Variants in NOX5 observed in about 807,000 individuals in gnomAD.
The protein encoded by NOX5 is NADPH oxidase, EF-hand calcium binding domain 5.
A neutral mutation model predicts 85.7 loss-of-function variants in NOX5; 76 were observed. The observed-to-expected ratio is 0.89, with a 90% CI of 0.74 to 1.07. NOX5 has a LOEUF of 1.07. NOX5 is among the 50% of genes least tolerant of loss of function. The pLI is 0.00. For missense variants in NOX5, 973 were observed against 999.5 expected, an observed-to-expected ratio of 0.97 and a Z score of 0.36; for synonymous variants, 405 against 401.4, an observed-to-expected ratio of 1.01 and a Z score of -0.11.
chr15:69,033,284 T>A lies in NOX5; in HGVS notation c.855+7T>A. The A allele has an allele frequency of 6.3e-7, 1 of 1,592,498 alleles. No individual in the cohort carries two copies. The highest frequency in any genetic ancestry group is 8.5e-7 in the Non-Finnish European group (1 of 1,177,772). The stretch of plus-strand genomic sequence containing the variant: ...CGACTGCAGCTTCATCGCGGTAGGC[T>A]CTGCCAGCACACGGTGCTCTGAAAA... On this transcript the variant is annotated splice_region_variant and intron_variant, in intron 5 of 15. Coordinates refer to ENST00000388866, the MANE Select transcript of NOX5 (RefSeq NM_024505.4).
chr15:69,055,869 G>A (rs187524832), intron 15 of NOX5, among the ~76,000 whole-genome samples: 3 of 152,294 alleles, frequency 2.0e-5, no homozygotes, highest in Admixed American at 6.5e-5. Context: ...ACAGAGACAT[G>A]AAATCGTTTG....
chr15:69,018,349 A>G (rs2050255727), intron 1 of NOX5, among the ~76,000 whole-genome samples: 1 of 152,110 alleles, frequency 6.6e-6, no homozygotes. Flanking sequence ...GATAAGAAAC[A>G]TTTACACTCT....
intron 12 of NOX5, 142 bp downstream of exon 12, chr15:69,047,679 G>GC (rs1381249498): frequency 1.5e-6 from 2 of 1,329,482 alleles, no homozygotes; most frequent in South Asian, 1.4e-5. Flanking sequence ...CTCCTGCTCT[G>GC]CCCCCCTCTC....
chr15:69,037,705 A>G, intron 8 of NOX5: 1 of 154,674 alleles, frequency 6.5e-6, no homozygotes, highest in Non-Finnish European at 1.4e-5. Flanking sequence ...TGGATAGAGA[A>G]GACAAGGAAG....
chr15:69,042,654 C>T lies in NOX5; in HGVS notation c.1505-9C>T, dbSNP rs1262815242. On this transcript the variant is annotated splice_polypyrimidine_tract_variant and intron_variant, in intron 9 of 15. Transcript: ENST00000388866. Reference sequence around the variant, plus strand: ...ACCTCCTTTCCCCTCCCACTCTTCTCTTTCTCAGACACTATCTGGCTGCAC... The same window carrying T: ...ACCTCCTTTCCCCTCCCACTCTTCTTTTTCTCAGACACTATCTGGCTGCAC... The T allele has an allele frequency of 6.2e-7, 1 of 1,611,376 alleles. No individual in the cohort carries two copies. Among genetic ancestry groups the T allele is most frequent in the Admixed American group, 1.7e-5 (1 of 59,906 alleles).
Position 69,033,062 on chromosome 15 carries a change from GC to G in NOX5, c.645del (p.Ala216ProfsTer12), listed in dbSNP as rs1255660847. On this transcript the variant is annotated frameshift_variant, in exon 5 of 16. Transcript: ENST00000388866. LOFTEE classifies it high-confidence loss of function. ...TCGCAGCGCTGCCCACTGGCTGACG[GC>G]CCCCGCCCCCCGCCCACGCCCGCGC... ...LTISAAHWLTAPAPRPRPRRP... is the reference protein window; with the variant it reads ...LTISAAHWLTXPAPRPRPRRP... 6 of 1,553,174 alleles carry G rather than the reference GC, an allele frequency of 3.9e-6. No homozygotes were observed. The highest frequency in any genetic ancestry group is 2.8e-5 in the African/African-American group (2 of 70,904).
chr15:69,050,548 G>T (rs889147998), intron 14 of NOX5, among the ~76,000 whole-genome samples: 9 of 152,014 alleles, frequency 5.9e-5, no homozygotes, highest in African/African-American at 2.2e-4. Flanking sequence ...CCGCCTCCAC[G>T]CCAGGCTAAT....
chr15:69,047,871 C>G lies in NOX5; in HGVS notation c.1859C>G (p.Ser620Cys). The G allele has an allele frequency of 1.9e-6, 3 of 1,614,168 alleles. No homozygotes were observed. Among genetic ancestry groups the G allele is most frequent in the Non-Finnish European group, 2.5e-6 (3 of 1,180,028 alleles). ...RKHTCPSCQH[S>C]WIEGVQDNMK... ...CATACTTGCCCCAGCTGCCAGCACT[C>G]CTGGATCGAAGGTGTCCAAGACAAC... is the stretch of plus-strand genomic sequence containing the variant. The change falls in exon 13 of 16, where the codon TCC (serine) becomes TGC (cysteine). Residue 620 changes from serine (S) to cysteine (C), a missense_variant. By Grantham distance (112) the Ser-to-Cys change is moderately radical. Transcript: ENST00000388866.
At chr15:69,047,580 C>T (rs201100885) in intron 12 of NOX5, 43 bp downstream of exon 12, 15 of 1,589,430 alleles carry the variant, frequency 9.4e-6, no homozygotes, top group Non-Finnish European at 1.2e-5. Flanking sequence ...GGGTCAGAGC[C>T]CCAAGGCGCC....
At chr15:69,046,739 G>T in intron 10 of NOX5, 83 bp from the exon 11 acceptor site, 1 of 1,367,212 alleles carries the variant, frequency 7.3e-7, no homozygotes, top group South Asian at 1.3e-5. Context: ...AAGTTGCTCA[G>T]ACTGGCAAGG....
chr15:69,021,141 G>T lies in NOX5; in HGVS notation c.51-5387G>T, dbSNP rs193189982. On this transcript the variant is annotated intron_variant, in intron 1 of 15. Coordinates refer to ENST00000388866, the MANE Select transcript of NOX5 (RefSeq NM_024505.4). ...GCTTTGTATAAGTTAAACTTGTATA[G>T]AATTTCCTTTTCATATGCTCTTTTC... Among the ~76,000 whole-genome samples the T allele has an allele frequency of 2.7e-3, 413 of 151,976 alleles. 5 individuals are homozygous for T. The highest frequency in any genetic ancestry group is 9.8e-3 in the African/African-American group (405 of 41,456).
chr15:69,022,944 A>G (rs1252905161), intron 1 of NOX5: 1 of 507,972 alleles, frequency 2.0e-6, no homozygotes, highest in Non-Finnish European at 4.0e-6. Flanking sequence ...TCTTCTTCCC[A>G]TTCACCAGCC....
Position 69,056,775 on chromosome 15 carries a change from C to T in NOX5, c.*79C>T, listed in dbSNP as rs1406487114. Reference sequence around the variant, plus strand: ...ATTAGTATAAATGCCCCCACAGGGACCAGCCTCAGATGACCCACCCAATAA... The same window carrying T: ...ATTAGTATAAATGCCCCCACAGGGATCAGCCTCAGATGACCCACCCAATAA... On this transcript the variant is annotated 3_prime_UTR_variant, in exon 16 of 16. Coordinates refer to ENST00000388866, the MANE Select transcript of NOX5 (RefSeq NM_024505.4). 2 of 1,545,322 alleles carry T rather than the reference C, an allele frequency of 1.3e-6. No homozygotes were observed. The highest frequency in any genetic ancestry group is 1.4e-5 in the African/African-American group (1 of 71,756).
At position 69,041,835 on chromosome 15, in the gene NOX5, T is replaced by C. The variant is rs567118832; in HGVS notation, c.1505-828T>C. Among the ~76,000 whole-genome samples the C allele has an allele frequency of 3.9e-5, 6 of 152,300 alleles. No homozygotes were observed. In the South Asian group the frequency reaches 1.2e-3, roughly 32 times the overall value. On this transcript the variant is annotated intron_variant, in intron 9 of 15. Transcript: ENST00000388866. ...TGTGGCCCAACACAAATTCATAAACTTTCTTAAAACATGATGAGATTTTTT... is the reference window on the plus strand; with the variant it reads ...TGTGGCCCAACACAAATTCATAAACCTTCTTAAAACATGATGAGATTTTTT...
chr15:69,056,731 C>G lies in NOX5; in HGVS notation c.*35C>G, dbSNP rs933426305. 7 of 1,609,910 alleles carry G rather than the reference C, an allele frequency of 4.3e-6. No homozygotes were observed. The highest frequency in any genetic ancestry group is 3.7e-4 in the Middle Eastern group (2 of 5,388). ...TCCAAGCTCTGCCCCAAGTCCACAC[C>G]ATGGGTCTGCTTCATTGCATTAGTA... On this transcript the variant is annotated 3_prime_UTR_variant, in exon 16 of 16. Transcript: ENST00000388866.
At position 69,059,905 on chromosome 15, in the gene NOX5, A is replaced by C. The variant is rs931917456; in HGVS notation, c.*3209A>C. 1 of 152,294 alleles carries C rather than the reference A, an allele frequency of 6.6e-6. No individual in the cohort carries two copies. Among genetic ancestry groups the C allele is most frequent in the Non-Finnish European group, 1.5e-5 (1 of 68,106 alleles). 9.4% of individuals were successfully genotyped at this position (152,294 alleles called of 1,614,324 possible). On this transcript the variant is annotated 3_prime_UTR_variant, in exon 16 of 16. Transcript: ENST00000388866. Reference sequence around the variant, plus strand: ...CACGTGTGCCCATCCTCCCCCATGAAGCTGCAAACTCCCCAAGGCCAGACA... The same window carrying C: ...CACGTGTGCCCATCCTCCCCCATGACGCTGCAAACTCCCCAAGGCCAGACA...
chr15:69,045,529 C>CTCTTT (rs1214704943), intron 10 of NOX5, among the ~76,000 whole-genome samples: 1 of 92,736 alleles, frequency 1.1e-5, no homozygotes, highest in African/African-American at 4.2e-5. Flanking sequence ...CTTTCTCTTC[C>CTCTTT]TTTCTTTTTT....
chr15:69,061,645 C>T lies in NOX5; in HGVS notation c.*4949C>T, dbSNP rs530183761. 7.1e-4 allele frequency: 108 copies of T among 152,322 alleles called. No homozygotes were observed. The highest frequency in any genetic ancestry group is 2.6e-3 in the African/African-American group (106 of 41,566). 9.4% of individuals were successfully genotyped at this position (152,322 alleles called of 1,614,324 possible). A position where few individuals can be genotyped will look rare whatever the true frequency, so the allele number is the denominator to read the frequency against. ...AATTCATCCCAGGGGGAAAAATACT[C>T]AACCTGAATGGCAGAAATGGCTGGA... is the stretch of plus-strand genomic sequence containing the variant. On this transcript the variant is annotated 3_prime_UTR_variant, in exon 16 of 16. Coordinates refer to ENST00000388866, the MANE Select transcript of NOX5 (RefSeq NM_024505.4).
intron 15 of NOX5, 61 bp downstream of exon 15, chr15:69,055,561 CG>C (rs2050802428): frequency 1.3e-6 from 2 of 1,568,704 alleles, no homozygotes; most frequent in Non-Finnish European, 1.7e-6. Flanking sequence ...CTCGAGGCAG[CG>C]GTGGGGAGAC....
Sources: allele counts gnomAD v4.1 joint callset (sites outside exome capture counted in the v4.1 genomes callset), GRCh38; gene constraint gnomAD v4.1.1; transcripts MANE v1.5; gene names NCBI Gene and HGNC (gene_info 2026-07-23, HGNC 2026-07-21).